NALF1: variants seen among roughly 807,000 people sequenced by gnomAD.
NALF1 encodes the protein NALCN channel auxiliary factor 1.
NALF1 carries 3 observed loss-of-function variants against 48.4 expected under a neutral mutation model. The observed-to-expected ratio is 0.06, with a 90% CI of 0.03 to 0.16. NALF1 has a LOEUF of 0.16. Among genes scored for constraint, NALF1 ranks in the 10% least tolerant of loss-of-function variants. NALF1 has a pLI of 1.00. For synonymous variants in NALF1, 262 were observed against 245.7 expected, an observed-to-expected ratio of 1.07 and a Z score of -0.62; for missense variants, 526 against 571.5, an observed-to-expected ratio of 0.92 and a Z score of 0.81.
At chr13:107,453,801 C>T (rs1884781954) in intron 1 of NALF1, among the ~76,000 whole-genome samples, 2 of 152,148 alleles carry the variant, frequency 1.3e-5, no homozygotes, top group Non-Finnish European at 2.9e-5. Context: ...AATTCCAAAC[C>T]CTCTCTTTGT....
At chr13:107,506,096 C>T (rs1432306093) in intron 1 of NALF1, among the ~76,000 whole-genome samples, 2 of 151,934 alleles carry the variant, frequency 1.3e-5, no homozygotes, top group Non-Finnish European at 2.9e-5. Context: ...GTTCCACTGG[C>T]ATTATTTATT....
intron 1 of NALF1, among the ~76,000 whole-genome samples, chr13:107,661,237 C>T (rs2138477224): frequency 6.6e-6 from 1 of 152,310 alleles, no homozygotes. Context: ...AGCCACCCCA[C>T]ACTTGCCTTC....
chr13:107,666,522 G>A (rs572010315), intron 1 of NALF1, among the ~76,000 whole-genome samples: 32 of 152,156 alleles, frequency 2.1e-4, no homozygotes, highest in Non-Finnish European at 4.0e-4. Flanking sequence ...CACCCACGGG[G>A]TGGAAAGTTT....
At chr13:107,668,664 T>C (rs1245806816) in intron 1 of NALF1, among the ~76,000 whole-genome samples, 2 of 152,108 alleles carry the variant, frequency 1.3e-5, no homozygotes, top group Non-Finnish European at 1.5e-5. Flanking sequence ...CACAACAGCA[T>C]ACACTAAACT....
chr13:107,773,014 AAAG>A (rs1316516482), intron 1 of NALF1, among the ~76,000 whole-genome samples: 1 of 152,142 alleles, frequency 6.6e-6, no homozygotes, highest in Non-Finnish European at 1.5e-5. Flanking sequence ...TGTTTTATTT[AAAG>A]AAGATTAAAT....
intron 1 of NALF1, among the ~76,000 whole-genome samples, chr13:107,534,370 T>C (rs192615343): frequency 6.6e-6 from 1 of 152,232 alleles, no homozygotes. Flanking sequence ...AAAAACTATT[T>C]GTAATTCAGT....
intron 1 of NALF1, among the ~76,000 whole-genome samples, chr13:107,312,689 A>G (rs900851483): frequency 6.6e-6 from 1 of 152,208 alleles, no homozygotes; most frequent in African/African-American, 2.4e-5. Flanking sequence ...CGAAATTAAG[A>G]GATATCTAAA....
At chr13:107,375,604 A>G (rs1883322278) in intron 1 of NALF1, among the ~76,000 whole-genome samples, 1 of 152,154 alleles carries the variant, frequency 6.6e-6, no homozygotes, top group South Asian at 2.1e-4. Context: ...TAATAGGTAT[A>G]TAAGGAAATT....
chr13:107,262,767 G>GCACTCTCTCTCT (rs1280864865), intron 1 of NALF1, among the ~76,000 whole-genome samples: 2 of 43,022 alleles, frequency 4.6e-5, no homozygotes, highest in African/African-American at 1.6e-4. Context: ...TAACCCACAG[G>GCACTCTCTCTCT]CGCTCTCTCT....
At chr13:107,343,081 T>A (rs1434825169) in intron 1 of NALF1, among the ~76,000 whole-genome samples, 1 of 152,216 alleles carries the variant, frequency 6.6e-6, no homozygotes, top group Non-Finnish European at 1.5e-5. Context: ...TACACATTTT[T>A]CTTAAGTTCA....
At chr13:107,594,884 A>C (rs1309591113) in intron 1 of NALF1, among the ~76,000 whole-genome samples, 2 of 152,106 alleles carry the variant, frequency 1.3e-5, no homozygotes, top group African/African-American at 4.8e-5. Context: ...ATCTGAATCA[A>C]AAATTAAAAA....
At chr13:107,815,910 T>C (rs966993160) in intron 1 of NALF1, among the ~76,000 whole-genome samples, 4 of 152,158 alleles carry the variant, frequency 2.6e-5, no homozygotes, top group Admixed American at 2.6e-4. Flanking sequence ...CCAATTTATG[T>C]AAATTGTTCA....
At chr13:107,797,510 A>G (rs1442527414) in intron 1 of NALF1, among the ~76,000 whole-genome samples, 1 of 151,852 alleles carries the variant, frequency 6.6e-6, no homozygotes, top group African/African-American at 2.4e-5. Context: ...CGCCCGGCCC[A>G]CCTCCTGTTT....
chr13:107,340,485 CTTT>C (rs71121526), intron 1 of NALF1, among the ~76,000 whole-genome samples: 1 of 145,244 alleles, frequency 6.9e-6, no homozygotes, highest in Non-Finnish European at 1.5e-5. Context: ...TTCTTTCTTT[CTTT>C]TTGTCTTTCT....
chr13:107,728,825 TG>T (rs1356694238), intron 1 of NALF1, among the ~76,000 whole-genome samples: 2 of 152,186 alleles, frequency 1.3e-5, no homozygotes, highest in African/African-American at 4.8e-5. Context: ...CGTCAGAGGC[TG>T]GCATAGCTGA....
chr13:107,722,987 T>G (rs1285136273), intron 1 of NALF1, among the ~76,000 whole-genome samples: 1 of 152,214 alleles, frequency 6.6e-6, no homozygotes, highest in Non-Finnish European at 1.5e-5. Context: ...ATGTAGAATT[T>G]TCCACGTATT....
chr13:107,438,842 A>AAAAAAAAAAAAAAAAAAAAAAAAAAAAAT (rs1204975385), intron 1 of NALF1, among the ~76,000 whole-genome samples: 1 of 147,680 alleles, frequency 6.8e-6, no homozygotes, highest in Admixed American at 6.8e-5. Flanking sequence ...AAAAAAAAAA[A>AAAAAAAAAAAAAAAAAAAAAAAAAAAAAT]AAAAAAAAAG....
chr13:107,728,960 T>C (rs752221212), intron 1 of NALF1, among the ~76,000 whole-genome samples: 13 of 152,180 alleles, frequency 8.5e-5, no homozygotes, highest in Non-Finnish European at 1.8e-4. Flanking sequence ...TTTGACTTTC[T>C]TGAGACTAAG....
intron 1 of NALF1, among the ~76,000 whole-genome samples, chr13:107,308,952 G>A (rs1431090846): frequency 5.9e-5 from 9 of 152,146 alleles, no homozygotes; most frequent in Admixed American, 3.9e-4. Context: ...AAAAACATTT[G>A]AGGTGTTGAG....
Sources: gnomAD v4.1 joint callset for allele counts (sites outside exome capture counted in the v4.1 genomes callset) on GRCh38, gnomAD v4.1.1 for gene constraint, MANE v1.5 for transcripts, NCBI Gene and HGNC (gene_info 2026-07-23, HGNC 2026-07-21) for gene names.